Variants in NRXN3 observed in about 807,000 individuals in gnomAD.
NRXN3 encodes the protein neurexin 3, also known as neurexin III.
In NRXN3, 32 loss-of-function variants were observed where a neutral mutation model predicts 137.6. That is an observed-to-expected ratio of 0.23 (90% CI 0.18 to 0.31). The LOEUF is 0.31. Among genes scored for constraint, NRXN3 ranks in the 10% least tolerant of loss-of-function variants. NRXN3 has a pLI of 1.00. For missense variants in NRXN3, 1,574 were observed against 2,062.5 expected (o/e 0.76, Z 4.59); for synonymous variants, 798 against 784.5 (o/e 1.02, Z -0.29).
At chr14:78,710,523 A>T (rs1293008913) in intron 7 of NRXN3, among the ~76,000 whole-genome samples, 4 of 152,052 alleles carry the variant, frequency 2.6e-5, no homozygotes, top group African/African-American at 7.2e-5. Context: ...GCCATTTCAG[A>T]CTCATTTCCT....
intron 8 of NRXN3, among the ~76,000 whole-genome samples, chr14:78,760,640 A>G (rs8004449): frequency 6.6e-6 from 1 of 151,292 alleles, no homozygotes; most frequent in Non-Finnish European, 1.5e-5. Flanking sequence ...CTTTTTGTTT[A>G]GCTCTCATTA....
chr14:78,833,333 C>A (rs549029156), intron 10 of NRXN3, among the ~76,000 whole-genome samples: 2 of 152,276 alleles, frequency 1.3e-5, no homozygotes, highest in South Asian at 2.1e-4. Context: ...TGCCAGGAAG[C>A]CTCCAAGATT....
chr14:78,808,411 G>T (rs898372413), intron 9 of NRXN3, among the ~76,000 whole-genome samples: 2 of 152,114 alleles, frequency 1.3e-5, no homozygotes, highest in East Asian at 3.9e-4. Context: ...TGTTGCTTTA[G>T]GCTCACTCTT....
intron 3 of NRXN3, among the ~76,000 whole-genome samples, chr14:78,295,231 C>G (rs913295535): frequency 3.3e-5 from 5 of 152,320 alleles, no homozygotes; most frequent in South Asian, 2.1e-4. Flanking sequence ...TTTCTCCCCC[C>G]AGTCCTGTTT....
chr14:79,076,384 C>T (rs920692663), intron 15 of NRXN3, among the ~76,000 whole-genome samples: 13 of 152,120 alleles, frequency 8.5e-5, no homozygotes, highest in Admixed American at 6.5e-4. Context: ...GGCTTAGAGT[C>T]CCTCCATAAG....
intron 15 of NRXN3, among the ~76,000 whole-genome samples, chr14:79,139,960 ATATATGTATATAATG>A (rs1203129778): frequency 6.7e-6 from 1 of 149,974 alleles, no homozygotes; most frequent in African/African-American, 2.4e-5. Flanking sequence ...TATATGAGAT[ATATATGTATATAATG>A]TATATGTATA....
In NRXN3 at chr14:79,831,175, A is replaced by T. The variant is rs77910270; in HGVS notation, c.4093+25985A>T. On this transcript the variant is annotated intron_variant, in intron 20 of 20. Transcript: ENST00000335750. ...GAATTTTAAGAAAAACGCTTGCTTT[A>T]TCACCAGCTGTGTCATTTTGTTCAA... 2.0e-5 allele frequency among the ~76,000 whole-genome samples: 3 copies of T among 152,326 alleles called. No homozygotes were observed. In the East Asian group the frequency reaches 5.8e-4, roughly 29 times the overall value.
chr14:78,350,622 CAGTTAGATTTG>C lies in NRXN3; in HGVS notation c.757+52763_757+52773del, dbSNP rs1357912420. On this transcript the variant is annotated intron_variant, in intron 4 of 20. Coordinates refer to ENST00000335750, the MANE Select transcript of NRXN3 (RefSeq NM_001330195.2). Reference sequence around the variant, plus strand: ...TGAAGGTGAAGGGTCTATATTAAGACAGTTAGATTTGCATTTTTTCAACAATTTAAAAAAGA... The same window carrying C: ...TGAAGGTGAAGGGTCTATATTAAGACCATTTTTTCAACAATTTAAAAAAGA... Among the ~76,000 whole-genome samples the C allele has an allele frequency of 4.6e-5, 7 of 152,152 alleles. 1 individual carries two copies. The East Asian group carries it at 1.4e-3, about 29-fold the overall frequency.
At chr14:78,246,105 A>G (rs115387252) in intron 2 of NRXN3, among the ~76,000 whole-genome samples, 2,708 of 152,252 alleles carry the variant, frequency 0.018, 49 homozygotes, top group African/African-American at 0.048. Context: ...CTTTCTAGGG[A>G]CCAGGGTGTT....
intron 10 of NRXN3, among the ~76,000 whole-genome samples, chr14:78,850,172 G>A (rs1391318298): frequency 6.6e-6 from 1 of 151,944 alleles, no homozygotes; most frequent in African/African-American, 2.4e-5. Context: ...AAGAGGGAGA[G>A]AAAGAGAAAG....
At chr14:79,544,084 A>G (rs1243875348) in intron 16 of NRXN3, among the ~76,000 whole-genome samples, 1 of 151,946 alleles carries the variant, frequency 6.6e-6, no homozygotes, top group Non-Finnish European at 1.5e-5. Flanking sequence ...ATTTAGGCAA[A>G]AAATAAAAAT....
intron 16 of NRXN3, among the ~76,000 whole-genome samples, chr14:79,523,911 A>G (rs1377918808): frequency 6.6e-6 from 1 of 152,152 alleles, no homozygotes; most frequent in Non-Finnish European, 1.5e-5. Flanking sequence ...GTGTCATTTG[A>G]ACTCAAGTGT....
chr14:78,633,966 C>G (rs1465484618), intron 4 of NRXN3, among the ~76,000 whole-genome samples: 1 of 152,216 alleles, frequency 6.6e-6, no homozygotes, highest in Non-Finnish European at 1.5e-5. Flanking sequence ...CCTCCCCCTG[C>G]AGGGGAAGGC....
chr14:79,004,917 ACT>A (rs2099549277), intron 15 of NRXN3, among the ~76,000 whole-genome samples: 1 of 152,088 alleles, frequency 6.6e-6, no homozygotes, highest in Non-Finnish European at 1.5e-5. Flanking sequence ...TGTAAAAAAT[ACT>A]CTGAGTTCTT....
chr14:78,692,407 A>G (rs78904840), intron 6 of NRXN3, among the ~76,000 whole-genome samples: 2,787 of 152,338 alleles, frequency 0.018, 79 homozygotes, highest in East Asian at 0.14. Flanking sequence ...AAAAATTGGT[A>G]AATGGTGGGA....
intron 4 of NRXN3, among the ~76,000 whole-genome samples, chr14:78,625,131 C>T (rs1253745951): frequency 6.6e-6 from 1 of 152,218 alleles, no homozygotes; most frequent in East Asian, 1.9e-4. Flanking sequence ...TGAGCCACCG[C>T]ACCTGGTCCC....
At chr14:78,995,048 A>G (rs2099527137) in intron 15 of NRXN3, among the ~76,000 whole-genome samples, 2 of 152,186 alleles carry the variant, frequency 1.3e-5, no homozygotes, top group African/African-American at 2.4e-5. Context: ...ATTTGCTGCC[A>G]CTTAGTCATT....
intron 4 of NRXN3, among the ~76,000 whole-genome samples, chr14:78,621,232 G>T (rs910322104): frequency 1.3e-5 from 2 of 152,038 alleles, no homozygotes; most frequent in South Asian, 2.1e-4. Context: ...TAGATGAGAG[G>T]CACAAAGAAA....
intron 14 of NRXN3, among the ~76,000 whole-genome samples, chr14:78,985,914 AT>A (rs1197487139): frequency 6.6e-6 from 1 of 152,222 alleles, no homozygotes; most frequent in East Asian, 1.9e-4. Flanking sequence ...GGGGAACCAC[AT>A]GGCCAATAGG....
Sources: allele counts gnomAD v4.1 joint callset (sites outside exome capture counted in the v4.1 genomes callset), GRCh38; gene constraint gnomAD v4.1.1; transcripts MANE v1.5; gene names NCBI Gene and HGNC (gene_info 2026-07-23, HGNC 2026-07-21).